ATG10: variants seen among roughly 807,000 people sequenced by gnomAD.
The protein encoded by ATG10 is ubiquitin-like-conjugating enzyme ATG10.
ATG10 carries 30 observed loss-of-function variants against 32.1 expected under a neutral mutation model. That is an observed-to-expected ratio of 0.94 (90% confidence interval 0.70 to 1.27). The LOEUF (loss-of-function observed/expected upper bound fraction) is 1.27. ATG10 is among the 50% of genes most tolerant of loss of function. The pLI is 0.00. For synonymous variants in ATG10, 87 were observed against 91.5 expected, an observed-to-expected ratio of 0.95 and a Z score of 0.28; for missense variants, 233 against 262.3, an observed-to-expected ratio of 0.89 and a Z score of 0.77.
intron 2 of ATG10, among the ~76,000 whole-genome samples, chr5:82,045,368 G>A (rs926962302): frequency 5.3e-5 from 8 of 152,006 alleles, no homozygotes; most frequent in Middle Eastern, 3.4e-3. Context: ...GTTTAAGGTC[G>A]CCAGTTTTCA....
At chr5:82,111,246 A>G (rs1398448572) in intron 3 of ATG10, 2 of 151,928 alleles carry the variant, frequency 1.3e-5, no homozygotes, top group South Asian at 2.1e-4. Flanking sequence ...CCTCACCATA[A>G]TTTTTTTACC....
intron 5 of ATG10, among the ~76,000 whole-genome samples, chr5:82,239,378 A>G (rs1449396111): frequency 6.6e-6 from 1 of 152,212 alleles, no homozygotes; most frequent in Non-Finnish European, 1.5e-5. Context: ...CCTGGATGCT[A>G]AGATGAAAAT....
At chr5:82,157,721 C>T (rs1767861400) in intron 3 of ATG10, among the ~76,000 whole-genome samples, 1 of 152,148 alleles carries the variant, frequency 6.6e-6, no homozygotes, top group South Asian at 2.1e-4. Flanking sequence ...TGGCTGTTGG[C>T]TCAGGAAAAT....
At chr5:82,146,176 T>A (rs752512257) in intron 3 of ATG10, among the ~76,000 whole-genome samples, 12 of 152,170 alleles carry the variant, frequency 7.9e-5, no homozygotes, top group Non-Finnish European at 1.3e-4. Context: ...TGTAGAAAAT[T>A]TCTTTATTTC....
chr5:82,139,993 C>T (rs1281150561), intron 3 of ATG10, among the ~76,000 whole-genome samples: 1 of 129,608 alleles, frequency 7.7e-6, no homozygotes, highest in Admixed American at 7.2e-5. Flanking sequence ...TGAGGGGCGC[C>T]TCTGCCCGGC....
At chr5:82,034,943 G>A (rs1030638463) in intron 2 of ATG10, among the ~76,000 whole-genome samples, 8 of 151,794 alleles carry the variant, frequency 5.3e-5, no homozygotes, top group Non-Finnish European at 1.0e-4. Context: ...ATCTGAGATG[G>A]AGTCTCTCTC....
chr5:82,181,862 T>G (rs1013841793), intron 5 of ATG10, among the ~76,000 whole-genome samples: 2 of 152,124 alleles, frequency 1.3e-5, no homozygotes, highest in African/African-American at 4.8e-5. Context: ...GTAAACCCCC[T>G]CTTTTGAAGA....
intron 2 of ATG10, among the ~76,000 whole-genome samples, chr5:82,024,595 T>G (rs1485531257): frequency 6.6e-6 from 1 of 152,222 alleles, no homozygotes; most frequent in African/African-American, 2.4e-5. Context: ...CACAGATGGT[T>G]TGAAAAGCAT....
intron 2 of ATG10, among the ~76,000 whole-genome samples, chr5:82,050,073 A>G (rs1763361418): frequency 6.6e-6 from 1 of 152,162 alleles, no homozygotes; most frequent in South Asian, 2.1e-4. Flanking sequence ...AAATATATTT[A>G]TACACATTTA....
At chr5:82,024,203 C>T (rs1762529946) in intron 2 of ATG10, among the ~76,000 whole-genome samples, 1 of 152,180 alleles carries the variant, frequency 6.6e-6, no homozygotes, top group Non-Finnish European at 1.5e-5. Context: ...GTGTATGTAT[C>T]CCAAGTGGCT....
At chr5:82,117,256 A>G (rs572434078) in intron 3 of ATG10, among the ~76,000 whole-genome samples, 2 of 152,262 alleles carry the variant, frequency 1.3e-5, no homozygotes, top group Non-Finnish European at 2.9e-5. Flanking sequence ...TTATGGAGCA[A>G]AGAATTAGGA....
At chr5:82,165,719 T>G (rs1456990351) in intron 4 of ATG10, among the ~76,000 whole-genome samples, 1 of 152,194 alleles carries the variant, frequency 6.6e-6, no homozygotes, top group African/African-American at 2.4e-5. Context: ...GTAATTATAT[T>G]TGGTTTGGAG....
At chr5:81,979,302 C>T (rs1412304575) in intron 1 of ATG10, among the ~76,000 whole-genome samples, 4 of 152,106 alleles carry the variant, frequency 2.6e-5, no homozygotes, top group Non-Finnish European at 5.9e-5. Context: ...CCGAGATGGA[C>T]GGATCACGAG....
chr5:82,147,440 G>C (rs1767406262), intron 3 of ATG10: 1 of 152,234 alleles, frequency 6.6e-6, no homozygotes, highest in Non-Finnish European at 1.5e-5. Flanking sequence ...AAAGTGCTGA[G>C]ATTACAGGCA....
intron 5 of ATG10, among the ~76,000 whole-genome samples, chr5:82,187,388 G>A (rs987144845): frequency 6.6e-6 from 1 of 151,346 alleles, no homozygotes; most frequent in Admixed American, 6.6e-5. Context: ...GTGGGCACCT[G>A]TAATCTCAGC....
intron 3 of ATG10, among the ~76,000 whole-genome samples, chr5:82,068,394 G>A (rs1764008825): frequency 6.6e-6 from 1 of 152,032 alleles, no homozygotes; most frequent in African/African-American, 2.4e-5. Context: ...ACCAGGGCCT[G>A]TCATAGGATT....
Position 82,191,298 on chromosome 5 carries a change from TG to T in ATG10, c.453+12712del, listed in dbSNP as rs1055155092. On this transcript the variant is annotated intron_variant, in intron 5 of 7. Transcript: ENST00000282185. ...GACCTACTGTCAGAATTAAAGGGTC[TG>T]ATTTATATTCTTGCCAAAGCTGAAC... 1.1e-4 allele frequency among the ~76,000 whole-genome samples: 17 copies of T among 152,256 alleles called. 1 individual carries two copies. The highest frequency in any genetic ancestry group is 5.9e-5 in the Non-Finnish European group (4 of 68,042).
intron 5 of ATG10, among the ~76,000 whole-genome samples, chr5:82,195,991 TC>T (rs572618334): frequency 4.5e-4 from 68 of 152,218 alleles, no homozygotes; most frequent in Non-Finnish European, 9.4e-4. Flanking sequence ...CATTTTATAT[TC>T]CCACCAGGAA....
intron 3 of ATG10, among the ~76,000 whole-genome samples, chr5:82,163,592 CTT>C (rs1743453383): frequency 6.6e-6 from 1 of 152,176 alleles, no homozygotes; most frequent in South Asian, 2.1e-4. Flanking sequence ...AAAGGAAATT[CTT>C]CAACCCCAAT....
Sources: gnomAD v4.1 joint callset for allele counts (sites outside exome capture counted in the v4.1 genomes callset) on GRCh38, gnomAD v4.1.1 for gene constraint, MANE v1.5 for transcripts, NCBI Gene and HGNC (gene_info 2026-07-23, HGNC 2026-07-21) for gene names.